SERPINB11: variants seen among roughly 807,000 people sequenced by gnomAD.
SERPINB11 encodes serpin B11.
In SERPINB11, 32 loss-of-function variants were observed where a neutral mutation model predicts 36.7. The ratio of observed to expected loss-of-function variants is 0.87; its 90% CI spans 0.66 to 1.17. SERPINB11 has a LOEUF of 1.17. Ranked by LOEUF, SERPINB11 falls within the 50% of genes most tolerant of loss-of-function variation. The pLI is 0.00. For synonymous variants in SERPINB11, 174 were observed against 168.1 expected (o/e 1.04, Z -0.27); for missense variants, 528 against 458.4 (o/e 1.15, Z -1.39).
In SERPINB11 at chr18:63,703,777, G is replaced by A. The variant is rs551366621; in HGVS notation, c.-16+771G>A. Among the ~76,000 whole-genome samples the A allele has an allele frequency of 2.6e-3, 396 of 152,288 alleles. 1 individual carries two copies. The highest frequency in any genetic ancestry group is 8.9e-3 in the African/African-American group (369 of 41,570). The stretch of plus-strand genomic sequence containing the variant: ...CCAAAAGGACAGAACCAGACCCTCC[G>A]TCTGTTGCAGTCCTTCAGTGTCAGT... On this transcript the variant is annotated intron_variant, in intron 1 of 7. Coordinates refer to ENST00000544088, the MANE Select transcript of SERPINB11 (RefSeq NM_001370475.1).
At chr18:63,720,359 G>C in intron 6 of SERPINB11, 1 of 540,708 alleles carries the variant, frequency 1.8e-6, no homozygotes, top group Admixed American at 3.5e-5. Flanking sequence ...GGAGACTTGG[G>C]ATACTAAGAT....
In SERPINB11 at chr18:63,723,049, A is replaced by T. The variant is rs765008784; in HGVS notation, c.829A>T (p.Met277Leu). Residue 277 changes from methionine (M) to leucine (L), a missense_variant, in exon 8 of 8, where the codon ATG becomes TTG. Coordinates refer to ENST00000544088, the MANE Select transcript of SERPINB11 (RefSeq NM_001370475.1). ...TFHEWTSSSN[M>L]MEREVEVHLP... ...TCATGAGTGGACAAGCTCTTCTAAC[A>T]TGATGGAAAGAGAAGTTGAAGTACA... 1 of 1,603,038 alleles carries T rather than the reference A, an allele frequency of 6.2e-7. No homozygotes were observed. Among genetic ancestry groups the T allele is most frequent in the Admixed American group, 1.7e-5 (1 of 58,574 alleles).
At chr18:63,708,552 T>G (rs1375367045) in intron 1 of SERPINB11, among the ~76,000 whole-genome samples, 1 of 152,050 alleles carries the variant, frequency 6.6e-6, no homozygotes, top group Non-Finnish European at 1.5e-5. Flanking sequence ...TGAGAAAGAA[T>G]AGAAGAATGG....
chr18:63,704,802 C>T (rs998428536), intron 1 of SERPINB11, among the ~76,000 whole-genome samples: 3 of 152,104 alleles, frequency 2.0e-5, no homozygotes, highest in Non-Finnish European at 2.9e-5. Flanking sequence ...CATACATGAA[C>T]CCTGTAAGTT....
chr18:63,703,126 CTT>C (rs1296329206), intron 1 of SERPINB11, 120 bp downstream of exon 1: 1 of 152,160 alleles, frequency 6.6e-6, no homozygotes, highest in Non-Finnish European at 1.5e-5. Context: ...GAAGGGGCAA[CTT>C]ATTATTTAAT....
Position 63,723,194 on chromosome 18 carries a change from G to A in SERPINB11, c.974G>A (p.Gly325Asp). 2.5e-6 allele frequency: 4 copies of A among 1,613,556 alleles called. No individual in the cohort carries two copies. Among genetic ancestry groups the A allele is most frequent in the Admixed American group, 1.7e-5 (1 of 59,960 alleles). ...ADLSGMSPTK[G>D]LYLSKAIHKS... The stretch of plus-strand genomic sequence containing the variant: ...CTTTCTGGAATGTCACCAACCAAGG[G>A]CCTATATTTATCAAAAGCCATCCAC... Residue 325 changes from glycine (G) to aspartate (D), a missense_variant, in exon 8 of 8, where the codon GGC becomes GAC. By Grantham distance (94) the Gly-to-Asp change is moderately conservative. Transcript: ENST00000544088.
chr18:63,705,024 T>G (rs934122847), intron 1 of SERPINB11, among the ~76,000 whole-genome samples: 16 of 152,210 alleles, frequency 1.1e-4, no homozygotes, highest in Non-Finnish European at 2.2e-4. Flanking sequence ...TGGATGAATC[T>G]TAAAAATATA....
chr18:63,717,535 T>C (rs1407800580), intron 5 of SERPINB11, among the ~76,000 whole-genome samples: 1 of 152,120 alleles, frequency 6.6e-6, no homozygotes, highest in African/African-American at 2.4e-5. Context: ...CAACACTTGG[T>C]AGTGTAAGGC....
chr18:63,714,477 C>T (rs1036177481), intron 4 of SERPINB11, among the ~76,000 whole-genome samples: 8 of 152,072 alleles, frequency 5.3e-5, no homozygotes, highest in Non-Finnish European at 8.8e-5. Context: ...GGGAGTGCTA[C>T]GGGAGACCGG....
upstream of SERPINB11, chr18:63,702,928 G>T (rs1441216950): frequency 7.7e-6 from 1 of 129,706 alleles, no homozygotes; most frequent in Non-Finnish European, 1.6e-5. Context: ...AAATATGAAG[G>T]CTTTATATTT....
At chr18:63,709,003 C>T (rs1914443988) in intron 1 of SERPINB11, among the ~76,000 whole-genome samples, 1 of 152,166 alleles carries the variant, frequency 6.6e-6, no homozygotes, top group South Asian at 2.1e-4. Flanking sequence ...AATGACGTCT[C>T]CCTGAGATCA....
In SERPINB11 at chr18:63,716,101, A is replaced by T; in HGVS notation, c.424A>T (p.Thr142Ser). 6.2e-7 allele frequency: 1 copy of T among 1,612,362 alleles called. No homozygotes were observed. The highest frequency in any genetic ancestry group is 8.5e-7 in the Non-Finnish European group (1 of 1,178,948). The stretch of plus-strand genomic sequence containing the variant: ...GCAAACTGTGGATTTTGAACAGTCT[A>T]CAGAAGAAACGAGGAAAACGATTAA... ...RLQTVDFEQSTEETRKTINAW... is the reference protein window; with the variant it reads ...RLQTVDFEQSSEETRKTINAW... Residue 142 changes from threonine (T) to serine (S), a missense_variant, in exon 5 of 8, where the codon ACA (threonine) becomes TCA (serine). Coordinates refer to ENST00000544088, the MANE Select transcript of SERPINB11 (RefSeq NM_001370475.1).
Position 63,710,188 on chromosome 18 carries a change from A to G in SERPINB11, c.-6A>G, listed in dbSNP as rs191335763. 5.6e-5 allele frequency: 90 copies of G among 1,603,242 alleles called. No homozygotes were observed. The African/African-American group carries it at 7.6e-4, about 14-fold the overall frequency. The stretch of plus-strand genomic sequence containing the variant: ...TCCCTTCTGTTCTCAGGCAGTCGGC[A>G]TAAAAATGGGTTCTCTCAGCACAGC... On this transcript the variant is annotated 5_prime_UTR_variant, in exon 2 of 8. Transcript: ENST00000544088.
chr18:63,711,229 C>T, intron 2 of SERPINB11, 106 bp from the exon 3 acceptor site: 1 of 789,218 alleles, frequency 1.3e-6, no homozygotes, highest in Non-Finnish European at 2.2e-6. Context: ...TTAGCTATCA[C>T]TACTGATCTT....
Position 63,711,480 on chromosome 18 carries a change from C to T in SERPINB11, c.228+86C>T, listed in dbSNP as rs564718554. Reference sequence around the variant, plus strand: ...GTCTGGGTGTTGAGTAGAAAAGCTCCTTCTTTTGCCCATGAGGGAACCAGC... The same window carrying T: ...GTCTGGGTGTTGAGTAGAAAAGCTCTTTCTTTTGCCCATGAGGGAACCAGC... On this transcript the variant is annotated intron_variant, in intron 3 of 7. Transcript: ENST00000544088. The T allele has an allele frequency of 4.0e-5, 41 of 1,029,486 alleles. No individual in the cohort carries two copies. In the East Asian group the frequency reaches 8.8e-4, roughly 22 times the overall value. The allele number at this position is 1,029,486 out of a possible 1,614,324, so 63.8% of individuals were successfully genotyped here.
chr18:63,714,585 G>C (rs10048288), intron 4 of SERPINB11, among the ~76,000 whole-genome samples: 1,915 of 152,102 alleles, frequency 0.013, 43 homozygotes, highest in African/African-American at 0.044. Flanking sequence ...CTTTCTCAGG[G>C]CTGTTCCTTG....
intron 3 of SERPINB11, among the ~76,000 whole-genome samples, chr18:63,711,689 T>C (rs557721552): frequency 6.6e-6 from 1 of 152,168 alleles, no homozygotes; most frequent in Non-Finnish European, 1.5e-5. Flanking sequence ...TTTGTCTATG[T>C]GGTGTTAGAC....
At chr18:63,714,412 A>G (rs1257012202) in intron 4 of SERPINB11, among the ~76,000 whole-genome samples, 1 of 152,146 alleles carries the variant, frequency 6.6e-6, no homozygotes, top group Non-Finnish European at 1.5e-5. Context: ...TTGAGAGCAG[A>G]CAACCGGTCT....
Position 63,712,580 on chromosome 18 carries a change from A to C in SERPINB11, c.244A>C (p.Arg82=). The change falls in exon 4 of 8, where the codon AGA becomes CGA. Residue 82 remains arginine (R), a synonymous_variant. Transcript: ENST00000544088. ...GATGCTTCAGTGCAGCCAAGCTGGAAGAATTCATTCCGAGTTTGGTGTCGA... is the reference window on the plus strand; with the variant it reads ...GATGCTTCAGTGCAGCCAAGCTGGACGAATTCATTCCGAGTTTGGTGTCGA... The part of the protein sequence containing the change: ...KDSPKCSQAG[R]IHSEFGVEFS... The C allele has an allele frequency of 1.9e-6, 3 of 1,613,814 alleles. No homozygotes were observed. The highest frequency in any genetic ancestry group is 2.5e-6 in the Non-Finnish European group (3 of 1,179,714).
Sources: allele counts gnomAD v4.1 joint callset (sites outside exome capture counted in the v4.1 genomes callset), GRCh38; gene constraint gnomAD v4.1.1; transcripts MANE v1.5; gene names NCBI Gene and HGNC (gene_info 2026-07-23, HGNC 2026-07-21).